The following PACRG variants were observed in gnomAD, a reference collection of about 807,000 sequenced individuals.
PACRG encodes the protein parkin coregulated gene protein.
Under a neutral mutation model 29.7 loss-of-function variants are expected in PACRG, and 29 were observed. The observed-to-expected ratio is 0.98, with a 90% CI of 0.73 to 1.33. The LOEUF is 1.33. Among genes scored for constraint, PACRG ranks in the 40% most tolerant of loss-of-function variants. The pLI is 0.00. For missense variants in PACRG, 279 were observed against 316.2 expected (o/e 0.88, Z 0.89); for synonymous variants, 116 against 118.7 (o/e 0.98, Z 0.15).
intron 4 of PACRG, chr6:163,312,830 G>T (rs1441650952): frequency 2.3e-6 from 1 of 425,900 alleles, no homozygotes; most frequent in African/African-American, 2.1e-5. Flanking sequence ...ATGGCTCGTT[G>T]CAACCTCGAC....
intron 1 of PACRG, among the ~76,000 whole-genome samples, chr6:162,778,816 C>T (rs1367886444): frequency 6.6e-6 from 1 of 152,252 alleles, no homozygotes; most frequent in African/African-American, 2.4e-5. Flanking sequence ...CTGTGTGGCG[C>T]TCAGAGCGAG....
chr6:162,787,582 G>GTGTGTGTGTATATA (rs1198197561), intron 1 of PACRG, among the ~76,000 whole-genome samples: 2 of 62,410 alleles, frequency 3.2e-5, no homozygotes, highest in African/African-American at 1.2e-4. Context: ...GTGTGTGTGT[G>GTGTGTGTGTATATA]TATATATATA....
chr6:163,123,328 CG>C (rs1486166579), intron 4 of PACRG, among the ~76,000 whole-genome samples: 1 of 152,106 alleles, frequency 6.6e-6, no homozygotes, highest in African/African-American at 2.4e-5. Context: ...GAGAAGAGGG[CG>C]GGAACCGCCA....
At position 163,173,711 on chromosome 6, in the gene PACRG, C is replaced by T. The variant is rs117986166; in HGVS notation, c.613+84303C>T. Among the ~76,000 whole-genome samples, 920 of 152,296 alleles carry T rather than the reference C, an allele frequency of 6.0e-3. 6 individuals carry two copies. Among genetic ancestry groups the T allele is most frequent in the African/African-American group, 0.013 (549 of 41,552 alleles). On this transcript the variant is annotated intron_variant, in intron 4 of 4. Coordinates refer to ENST00000366888, the MANE Select transcript of PACRG (RefSeq NM_001080379.2). Reference sequence around the variant, plus strand: ...TTTCCATAGGAAATATTTTCAAGGTCGCCCTCTCCACCCTGAAAACTAGAG... The same window carrying T: ...TTTCCATAGGAAATATTTTCAAGGTTGCCCTCTCCACCCTGAAAACTAGAG...
intron 2 of PACRG, among the ~76,000 whole-genome samples, chr6:162,972,759 C>T (rs763581893): frequency 2.6e-5 from 4 of 152,118 alleles, no homozygotes; most frequent in Non-Finnish European, 5.9e-5. Flanking sequence ...TGTGATCATA[C>T]GGAGGGCTGA....
At chr6:163,293,753 A>AAT (rs1784693151) in intron 4 of PACRG, among the ~76,000 whole-genome samples, 1 of 152,208 alleles carries the variant, frequency 6.6e-6, no homozygotes. Context: ...GTATACAGGG[A>AAT]ATATAGGTTT....
At chr6:162,832,276 G>A (rs1788844801) in intron 2 of PACRG, among the ~76,000 whole-genome samples, 1 of 152,096 alleles carries the variant, frequency 6.6e-6, no homozygotes, top group Non-Finnish European at 1.5e-5. Context: ...ATGATGTTGA[G>A]CTTTTTTCAT....
intron 4 of PACRG, among the ~76,000 whole-genome samples, chr6:163,149,582 C>T (rs1399191402): frequency 6.6e-6 from 1 of 152,114 alleles, no homozygotes; most frequent in Non-Finnish European, 1.5e-5. Context: ...CTTCCGACTC[C>T]CCGACCCCGC....
intron 1 of PACRG, among the ~76,000 whole-genome samples, chr6:162,737,646 T>TG (rs775117293): frequency 5.3e-5 from 8 of 152,158 alleles, no homozygotes; most frequent in Non-Finnish European, 1.0e-4. Flanking sequence ...TAGAAATTGG[T>TG]GGGGCTAATT....
At chr6:163,239,841 T>TAC (rs3064934) in intron 4 of PACRG, among the ~76,000 whole-genome samples, 62,748 of 124,098 alleles carry the variant, frequency 0.51, 16,248 homozygotes, top group Middle Eastern at 0.6. Flanking sequence ...CACACTCACA[T>TAC]ACACACACAC....
intron 4 of PACRG, among the ~76,000 whole-genome samples, chr6:163,167,535 A>C (rs907526011): frequency 6.6e-6 from 1 of 152,204 alleles, no homozygotes; most frequent in Non-Finnish European, 1.5e-5. Flanking sequence ...AGCTCCTTCT[A>C]GTTGTAAATC....
intron 4 of PACRG, among the ~76,000 whole-genome samples, chr6:163,144,402 T>C (rs1000422170): frequency 6.6e-6 from 1 of 151,968 alleles, no homozygotes; most frequent in Non-Finnish European, 1.5e-5. Context: ...GGGTTAGTAA[T>C]ATGTAATGTA....
intron 4 of PACRG, among the ~76,000 whole-genome samples, chr6:163,298,855 C>T (rs1395361390): frequency 6.6e-6 from 1 of 152,162 alleles, no homozygotes; most frequent in African/African-American, 2.4e-5. Flanking sequence ...TCTTCTCAAG[C>T]TTATTTCTTT....
intron 2 of PACRG, among the ~76,000 whole-genome samples, chr6:162,917,391 A>G (rs1796766772): frequency 6.6e-6 from 1 of 152,092 alleles, no homozygotes; most frequent in Non-Finnish European, 1.5e-5. Flanking sequence ...GGAGATTTAC[A>G]TTCTTAGGAA....
chr6:162,881,160 T>G (rs1479887229), intron 2 of PACRG, among the ~76,000 whole-genome samples: 2 of 152,162 alleles, frequency 1.3e-5, no homozygotes, highest in East Asian at 3.9e-4. Flanking sequence ...TTCTTTGGAT[T>G]TTGCCTATTG....
intron 4 of PACRG, chr6:163,184,867 C>G (rs1164219187): frequency 6.6e-6 from 1 of 152,146 alleles, no homozygotes; most frequent in Non-Finnish European, 1.5e-5. Flanking sequence ...CAAACAAGTA[C>G]ACCAGTGAAT....
rs575024720 is a variant in PACRG, at chr6:163,150,034, G to T, written c.613+60626G>T. Among the ~76,000 whole-genome samples the T allele has an allele frequency of 9.9e-5, 15 of 152,214 alleles. No homozygotes were observed. In the East Asian group the frequency reaches 2.7e-3, roughly 27 times the overall value. ...TGTGCGTTAGTTCAATCCTTCTTTCGATGGTTTTCTCACTGGGATTCCTGT... is the reference window on the plus strand; with the variant it reads ...TGTGCGTTAGTTCAATCCTTCTTTCTATGGTTTTCTCACTGGGATTCCTGT... On this transcript the variant is annotated intron_variant, in intron 4 of 4. Transcript: ENST00000366888.
chr6:163,018,143 T>G lies in PACRG; in HGVS notation c.292-44007T>G, dbSNP rs373180559. On this transcript the variant is annotated intron_variant, in intron 2 of 4. Transcript: ENST00000366888. ...TTCCCTCCTTCCACTACATCTGATT[T>G]GGAGTAATATTCCTTTACTTTTATT... 5.7e-4 allele frequency among the ~76,000 whole-genome samples: 87 copies of G among 152,290 alleles called. 2 individuals are homozygous for G. The South Asian group carries it at 0.018, about 31-fold the overall frequency.
intron 2 of PACRG, among the ~76,000 whole-genome samples, chr6:162,877,299 G>T (rs1793443508): frequency 2.0e-5 from 3 of 152,090 alleles, no homozygotes; most frequent in Admixed American, 2.0e-4. Context: ...CATGGATGAA[G>T]CCAGAAACCA....
Sources: allele counts gnomAD v4.1 joint callset (sites outside exome capture counted in the v4.1 genomes callset), GRCh38; gene constraint gnomAD v4.1.1; transcripts MANE v1.5; gene names NCBI Gene and HGNC (gene_info 2026-07-23, HGNC 2026-07-21).